KIAA1328: variants seen among roughly 807,000 people sequenced by gnomAD.
The protein encoded by KIAA1328 is KIAA1328.
Under a neutral mutation model 68.1 loss-of-function variants are expected in KIAA1328, and 52 were observed. The observed-to-expected ratio is 0.76, with a 90% CI of 0.61 to 0.96. The LOEUF (loss-of-function observed/expected upper bound fraction) is 0.96. Ranked by LOEUF, KIAA1328 falls within the 40% of genes least tolerant of loss-of-function variation. The pLI is 0.00. For missense variants in KIAA1328, 641 were observed against 677.6 expected (o/e 0.95, Z 0.60); for synonymous variants, 232 against 239.4 (o/e 0.97, Z 0.28).
chr18:36,846,745 C>T (rs1308624514), intron 4 of KIAA1328, among the ~76,000 whole-genome samples: 1 of 151,340 alleles, frequency 6.6e-6, no homozygotes, highest in Non-Finnish European at 1.5e-5. Flanking sequence ...TCTTTTTTCC[C>T]TCTACCTAAT....
chr18:36,994,436 G>A (rs574068541), intron 6 of KIAA1328, among the ~76,000 whole-genome samples: 104 of 152,212 alleles, frequency 6.8e-4, no homozygotes, highest in African/African-American at 2.2e-3. Flanking sequence ...CTCAGTGGAC[G>A]GGACTCCAAA....
At chr18:37,219,315 G>C (rs532423300) in intron 9 of KIAA1328, among the ~76,000 whole-genome samples, 1 of 152,208 alleles carries the variant, frequency 6.6e-6, no homozygotes, top group East Asian at 1.9e-4. Context: ...CAGTCTGTCC[G>C]TTCTCAGAGG....
At chr18:36,868,945 T>A (rs1045927913) in intron 4 of KIAA1328, among the ~76,000 whole-genome samples, 4 of 152,066 alleles carry the variant, frequency 2.6e-5, no homozygotes, top group East Asian at 3.8e-4. Context: ...TTTATTTTTT[T>A]AAACTGATCG....
intron 6 of KIAA1328, among the ~76,000 whole-genome samples, chr18:36,985,282 A>G (rs2052870665): frequency 6.6e-6 from 1 of 152,242 alleles, no homozygotes; most frequent in East Asian, 1.9e-4. Context: ...CCTGTGCAAC[A>G]GGGATAGACC....
intron 4 of KIAA1328, among the ~76,000 whole-genome samples, chr18:36,863,253 C>A (rs766395401): frequency 4.1e-5 from 6 of 144,910 alleles, no homozygotes; most frequent in Non-Finnish European, 9.2e-5. Flanking sequence ...GGTTGAGGTT[C>A]TTTTTTTTTT....
chr18:36,887,704 G>A (rs960838101), intron 5 of KIAA1328, among the ~76,000 whole-genome samples: 1 of 152,194 alleles, frequency 6.6e-6, no homozygotes, highest in South Asian at 2.1e-4. Flanking sequence ...GCTTGTCCAA[G>A]TTATGTAGTA....
At chr18:37,178,856 G>A (rs368050926) in intron 9 of KIAA1328, among the ~76,000 whole-genome samples, 28 of 152,164 alleles carry the variant, frequency 1.8e-4, no homozygotes, top group East Asian at 7.7e-4. Flanking sequence ...TCATGTACCC[G>A]TTAGCCATTT....
chr18:36,857,004 AG>A (rs1362873263), intron 4 of KIAA1328, among the ~76,000 whole-genome samples: 1 of 152,142 alleles, frequency 6.6e-6, no homozygotes, highest in African/African-American at 2.4e-5. Context: ...ATACTCTCTC[AG>A]TCATTTTAGA....
At chr18:37,176,535 A>G (rs2059600514) in intron 9 of KIAA1328, among the ~76,000 whole-genome samples, 1 of 152,230 alleles carries the variant, frequency 6.6e-6, no homozygotes, top group South Asian at 2.1e-4. Flanking sequence ...GCGTAAGAGA[A>G]TAAGCACAGT....
chr18:36,959,523 C>A, intron 6 of KIAA1328, 88 bp downstream of exon 6: 6 of 1,362,738 alleles, frequency 4.4e-6, no homozygotes, highest in East Asian at 2.5e-5. Context: ...AATTTCCTCC[C>A]AGTATATAAT....
intron 7 of KIAA1328, among the ~76,000 whole-genome samples, chr18:37,090,320 A>G (rs553945173): frequency 6.6e-6 from 1 of 152,272 alleles, no homozygotes; most frequent in Non-Finnish European, 1.5e-5. Flanking sequence ...TTATTTAGGG[A>G]GTTCTAGTGT....
At chr18:37,132,448 G>A (rs1212878984) in intron 7 of KIAA1328, among the ~76,000 whole-genome samples, 1 of 152,158 alleles carries the variant, frequency 6.6e-6, no homozygotes, top group African/African-American at 2.4e-5. Context: ...CAGAGAATGG[G>A]TTATTTTTGT....
chr18:36,830,431 G>A (rs1457756874), intron 1 of KIAA1328, among the ~76,000 whole-genome samples: 4 of 152,166 alleles, frequency 2.6e-5, no homozygotes, highest in African/African-American at 9.7e-5. Flanking sequence ...GTGGACAACT[G>A]GGCTGAATTA....
intron 7 of KIAA1328, among the ~76,000 whole-genome samples, chr18:37,099,675 T>G (rs1409198466): frequency 6.6e-6 from 1 of 152,184 alleles, no homozygotes; most frequent in African/African-American, 2.4e-5. Flanking sequence ...GACAGTGGGT[T>G]GTTAAAGTCT....
intron 9 of KIAA1328, among the ~76,000 whole-genome samples, chr18:37,212,625 T>A (rs1462335470): frequency 6.6e-6 from 1 of 152,258 alleles, no homozygotes; most frequent in Non-Finnish European, 1.5e-5. Context: ...TTGGGTATCA[T>A]AATTTTATGT....
At chr18:36,986,378 AC>A (rs1397561224) in intron 6 of KIAA1328, among the ~76,000 whole-genome samples, 3 of 151,102 alleles carry the variant, frequency 2.0e-5, no homozygotes, top group Non-Finnish European at 4.4e-5. Flanking sequence ...AACCATAAAA[AC>A]CCTAGAAGAA....
At chr18:37,192,677 C>T (rs1448493292) in intron 9 of KIAA1328, among the ~76,000 whole-genome samples, 2 of 152,190 alleles carry the variant, frequency 1.3e-5, no homozygotes, top group Non-Finnish European at 2.9e-5. Context: ...GTAAGTTTCA[C>T]TTATCATACT....
chr18:37,100,100 A>G (rs539871371), intron 7 of KIAA1328, among the ~76,000 whole-genome samples: 4 of 152,316 alleles, frequency 2.6e-5, no homozygotes, highest in African/African-American at 9.6e-5. Flanking sequence ...TGAGCGATGC[A>G]GAAGACGGGT....
At chr18:37,020,490 A>G (rs1001199761) in intron 6 of KIAA1328, among the ~76,000 whole-genome samples, 2 of 152,240 alleles carry the variant, frequency 1.3e-5, no homozygotes, top group African/African-American at 4.8e-5. Flanking sequence ...GAAAGTTTAC[A>G]GCGCATGTTA....
Sources: gnomAD v4.1 joint callset for allele counts (sites outside exome capture counted in the v4.1 genomes callset) on GRCh38, gnomAD v4.1.1 for gene constraint, MANE v1.5 for transcripts, NCBI Gene and HGNC (gene_info 2026-07-23, HGNC 2026-07-21) for gene names.